The following ASIC3 variants were observed in gnomAD, a reference collection of about 807,000 sequenced individuals.
The protein encoded by ASIC3 is acid-sensing ion channel 3.
Under a neutral mutation model 58.6 loss-of-function variants are expected in ASIC3, and 46 were observed. The ratio of observed to expected loss-of-function variants is 0.79; its 90% confidence interval spans 0.62 to 1.00. ASIC3 has a LOEUF of 1.00. Among genes scored for constraint, ASIC3 ranks in the 50% least tolerant of loss-of-function variants. ASIC3 has a pLI of 0.00. For missense variants in ASIC3, 770 were observed against 735.0 expected (o/e 1.05, Z -0.55); for synonymous variants, 336 against 300.2 (o/e 1.12, Z -1.23).
rs775138378 is a variant in ASIC3, at chr7:151,051,208, A to T, written c.1103A>T (p.Asn368Ile). The change falls in exon 6 of 11, where the codon AAC becomes ATC. Residue 368 changes from asparagine to isoleucine, a missense_variant. By Grantham distance (149) the Asn-to-Ile change is moderately radical. Transcript: ENST00000349064. ...MLRKDSCACPNPCASTRYAKE... is the reference protein window; with the variant it reads ...MLRKDSCACPIPCASTRYAKE... ...CGCAAGGACTCGTGCGCCTGCCCCA[A>T]CCCGTGCGCCAGCACGCGCTACGCC... 6.3e-7 allele frequency: 1 copy of T among 1,584,642 alleles called. No individual in the cohort carries two copies. The highest frequency in any genetic ancestry group is 8.5e-7 in the Non-Finnish European group (1 of 1,172,140).
At chr7:151,049,935 C>T (rs1295762264) in intron 1 of ASIC3, 171 bp from the exon 2 acceptor site, 3 of 815,300 alleles carry the variant, frequency 3.7e-6, no homozygotes, top group African/African-American at 3.4e-5. Flanking sequence ...AGTTGATGGG[C>T]TCCCAAGAGC....
Position 151,052,681 on chromosome 7 carries a change from C to T in ASIC3, c.*29C>T, listed in dbSNP as rs753466031. The T allele has an allele frequency of 6.2e-7, 1 of 1,614,180 alleles. No homozygotes were observed. The highest frequency in any genetic ancestry group is 8.5e-7 in the Non-Finnish European group (1 of 1,180,014). ...TGCTGTCTGTGTCCTCGGAGCCCCG[C>T]CCTGACATCCTGGACATGCCTAGCC... On this transcript the variant is annotated 3_prime_UTR_variant, in exon 11 of 11. Coordinates refer to ENST00000349064, the MANE Select transcript of ASIC3 (RefSeq NM_004769.4). The surrounding 1 kb of genome is among the most constrained non-coding windows in gnomAD (Gnocchi z 5.0).
At position 151,050,688 on chromosome 7, in the gene ASIC3, G is replaced by C. The variant is rs561550514; in HGVS notation, c.814-70G>C. 8 of 1,606,218 alleles carry C rather than the reference G, an allele frequency of 5.0e-6. No individual in the cohort carries two copies. The South Asian group carries it at 7.7e-5, about 16-fold the overall frequency. On this transcript the variant is annotated intron_variant, in intron 3 of 10. Transcript: ENST00000349064. ...CCTAAACCCTCAGCTCCTCAGACCT[G>C]TCTAGGGGCCTCTCCCCAGCTGGCC...
Position 151,050,930 on chromosome 7 carries a change from G to A in ASIC3, c.986G>A (p.Gly329Asp). Reference protein sequence around the residue: ...CETRYVARKCGCRMVYMPGDV... With the variant: ...CETRYVARKCDCRMVYMPGDV... ...ACCCGCTACGTGGCTCGGAAGTGCG[G>A]CTGCCGAATGGTGTACATGCCAGGT... Residue 329 changes from glycine (G) to aspartate (D), a missense_variant, in exon 4 of 11, where the codon GGC (glycine) becomes GAC (aspartate). Transcript: ENST00000349064. The A allele has an allele frequency of 6.2e-7, 1 of 1,613,492 alleles. No individual in the cohort carries two copies. The highest frequency in any genetic ancestry group is 8.5e-7 in the Non-Finnish European group (1 of 1,180,028).
intron 6 of ASIC3, 65 bp from the exon 7 acceptor site, chr7:151,051,745 G>A: frequency 6.5e-7 from 1 of 1,547,728 alleles, no homozygotes; most frequent in Non-Finnish European, 8.9e-7. Flanking sequence ...ACCCACAGCT[G>A]CTTCTTGCCA....
At position 151,050,828 on chromosome 7, in the gene ASIC3, C is replaced by G; in HGVS notation, c.884C>G (p.Pro295Arg). 6.2e-7 allele frequency: 1 copy of G among 1,613,616 alleles called. No homozygotes were observed. The highest frequency in any genetic ancestry group is 8.5e-7 in the Non-Finnish European group (1 of 1,179,856). ...CTGAACCCCAACTATGAGCCAGAGC[C>G]CTCTGATCCCCTAGGCTCCCCCAGC... is the stretch of plus-strand genomic sequence containing the variant. ...ASLNPNYEPE[P>R]SDPLGSPSPS... is the part of the protein sequence containing the mutation. Residue 295 changes from proline to arginine, a missense_variant, in exon 4 of 11, where the codon CCC (proline) becomes CGC (arginine). Physicochemically the swap from Pro to Arg is moderately radical, Grantham distance 103. Transcript: ENST00000349064.
In ASIC3 at chr7:151,050,890, C is replaced by G. The variant is rs369864194; in HGVS notation, c.946C>G (p.Arg316Gly). ...CCCTCCCTATACCCTTATGGGGTGT[C>G]GCCTGGCCTGCGAAACCCGCTACGT... is the stretch of plus-strand genomic sequence containing the variant. ...PSPPYTLMGC[R>G]LACETRYVAR... Residue 316 changes from arginine to glycine, a missense_variant, in exon 4 of 11, where the codon CGC becomes GGC. Physicochemically the swap from Arg to Gly is moderately radical, Grantham distance 125. Coordinates refer to ENST00000349064, the MANE Select transcript of ASIC3 (RefSeq NM_004769.4). 3.7e-6 allele frequency: 6 copies of G among 1,613,312 alleles called. No individual in the cohort carries two copies. Among genetic ancestry groups the G allele is most frequent in the Non-Finnish European group, 5.1e-6 (6 of 1,180,016 alleles).
chr7:151,050,279 T>C (rs774020487), intron 2 of ASIC3, 23 bp downstream of exon 2: 21 of 1,603,660 alleles, frequency 1.3e-5, no homozygotes, highest in Non-Finnish European at 1.7e-5. Context: ...CAAATGAGGC[T>C]GGGGGAGGGC....
chr7:151,051,755 A>G (rs1796786325), intron 6 of ASIC3, 55 bp from the exon 7 acceptor site: 1 of 1,576,588 alleles, frequency 6.3e-7, no homozygotes, highest in East Asian at 2.2e-5. Flanking sequence ...GCTTCTTGCC[A>G]GCAGTGGGCA....
chr7:151,052,718 T>C lies in ASIC3; in HGVS notation c.*66T>C. The C allele has an allele frequency of 6.2e-7, 1 of 1,614,074 alleles. No homozygotes were observed. Among genetic ancestry groups the C allele is most frequent in the Non-Finnish European group, 8.5e-7 (1 of 1,179,946 alleles). On this transcript the variant is annotated 3_prime_UTR_variant, in exon 11 of 11. Transcript: ENST00000349064. This position sits in a 1 kb window ranked among gnomAD's most constrained non-coding sequence, Gnocchi z 5.0. ...GGACATGCCTAGCCTGCACGTAGCT[T>C]TTCCGTCTTCACCCCAAATAAAGTC...
chr7:151,049,695 G>A (rs1298849313), intron 1 of ASIC3, among the ~76,000 whole-genome samples: 2 of 152,252 alleles, frequency 1.3e-5, no homozygotes, highest in Non-Finnish European at 2.9e-5. Context: ...GGGAGGCCCT[G>A]CTCCTGGGGC....
chr7:151,051,014 A>G, intron 4 of ASIC3, 25 bp from the exon 5 acceptor site: 8 of 1,613,246 alleles, frequency 5.0e-6, no homozygotes, highest in Non-Finnish European at 6.8e-6. Context: ...GGCTGCTTCT[A>G]AAGCCATCTC....
chr7:151,051,930 G>A (rs1228776366), intron 7 of ASIC3, 29 bp downstream of exon 7: 8 of 1,613,644 alleles, frequency 5.0e-6, no homozygotes, highest in Admixed American at 1.7e-5. Flanking sequence ...CAGGGCTGGG[G>A]GGGTGTGGGC....
chr7:151,052,183 C>T lies in ASIC3; in HGVS notation c.1404C>T (p.Val468=), dbSNP rs1246255613. 1.2e-6 allele frequency: 2 copies of T among 1,614,042 alleles called. No homozygotes were observed. Among genetic ancestry groups the T allele is most frequent in the Non-Finnish European group, 1.7e-6 (2 of 1,179,986 alleles). ...DYLCEVFRDK[V]LGYFWNRQHS... is the part of the protein sequence containing the mutation. ...GCCTCCAGGTGTTCCGAGACAAGGT[C>T]CTGGGATATTTCTGGAACCGACAGC... The change falls in exon 9 of 11, where the codon GTC becomes GTT. Residue 468 remains valine, a synonymous_variant. Transcript: ENST00000349064. The surrounding 1 kb of genome is among the most constrained non-coding windows in gnomAD (Gnocchi z 5.0).
chr7:151,051,731 G>A, intron 6 of ASIC3, 79 bp from the exon 7 acceptor site: 1 of 1,456,366 alleles, frequency 6.9e-7, no homozygotes, highest in South Asian at 1.1e-5. Context: ...AAAGGAGTGG[G>A]AGAACCCACA....
In ASIC3 at chr7:151,048,642, C is replaced by T. The variant is rs1279442189; in HGVS notation, c.-244C>T. ...TGCTGCGGAGTCCCCAGCCCAGTGC[C>T]TAGCCCAGTGGAGCCACCGCCTGTT... On this transcript the variant is annotated 5_prime_UTR_variant, in exon 1 of 11. Coordinates refer to ENST00000349064, the MANE Select transcript of ASIC3 (RefSeq NM_004769.4). 1.9e-6 allele frequency: 1 copy of T among 534,582 alleles called. No homozygotes were observed. The highest frequency in any genetic ancestry group is 2.9e-5 in the East Asian group (1 of 34,454). The allele number at this position is 534,582 out of a possible 1,614,324, so 33.1% of individuals were successfully genotyped here.
In ASIC3 at chr7:151,048,733, C is replaced by T. The variant is rs762808638; in HGVS notation, c.-153C>T. Reference sequence around the variant, plus strand: ...TCCTCCAATCCTGCCAGGCTAGTGCCTCCCTGCCTTCCAACCTTGGCTGTC... The same window carrying T: ...TCCTCCAATCCTGCCAGGCTAGTGCTTCCCTGCCTTCCAACCTTGGCTGTC... On this transcript the variant is annotated 5_prime_UTR_variant, in exon 1 of 11. Coordinates refer to ENST00000349064, the MANE Select transcript of ASIC3 (RefSeq NM_004769.4). The T allele has an allele frequency of 1.1e-6, 1 of 932,050 alleles. No homozygotes were observed. Among genetic ancestry groups the T allele is most frequent in the Non-Finnish European group, 1.6e-6 (1 of 616,480 alleles). 57.7% of individuals were successfully genotyped at this position (932,050 alleles called of 1,614,324 possible). A position where few individuals can be genotyped will look rare whatever the true frequency, so the allele number is the denominator to read the frequency against.
rs1321016976 is a variant in ASIC3, at chr7:151,052,091, G to A, written c.1386+29G>A. On this transcript the variant is annotated intron_variant, in intron 8 of 10. Coordinates refer to ENST00000349064, the MANE Select transcript of ASIC3 (RefSeq NM_004769.4). The surrounding 1 kb of genome is among the most constrained non-coding windows in gnomAD (Gnocchi z 5.0). Reference sequence around the variant, plus strand: ...GGCCAGGGCCCCCACTGCAGGGGGTGGGAGGTGGGAATCAGGGCCCCTAGG... The same window carrying A: ...GGCCAGGGCCCCCACTGCAGGGGGTAGGAGGTGGGAATCAGGGCCCCTAGG... 6.2e-7 allele frequency: 1 copy of A among 1,613,642 alleles called. No individual in the cohort carries two copies. The highest frequency in any genetic ancestry group is 1.3e-5 in the African/African-American group (1 of 74,850).
Position 151,052,124 on chromosome 7 carries a change from G to T in ASIC3, c.1387-42G>T, listed in dbSNP as rs6978641. 2 of 1,613,874 alleles carry T rather than the reference G, an allele frequency of 1.2e-6. No homozygotes were observed. The highest frequency in any genetic ancestry group is 4.5e-5 in the East Asian group (2 of 44,866). Reference sequence around the variant, plus strand: ...GGAATCAGGGCCCCTAGGATGAGGGGGAAGGTGTGCACTGGCCACCTCCCA... The same window carrying T: ...GGAATCAGGGCCCCTAGGATGAGGGTGAAGGTGTGCACTGGCCACCTCCCA... On this transcript the variant is annotated intron_variant, in intron 8 of 10. Coordinates refer to ENST00000349064, the MANE Select transcript of ASIC3 (RefSeq NM_004769.4). The surrounding 1 kb of genome is among the most constrained non-coding windows in gnomAD (Gnocchi z 5.0).
Sources: allele counts gnomAD v4.1 joint callset (sites outside exome capture counted in the v4.1 genomes callset), GRCh38; gene constraint gnomAD v4.1.1; non-coding constraint Gnocchi (gnomAD v3.1); transcripts MANE v1.5; gene names NCBI Gene and HGNC (gene_info 2026-07-23, HGNC 2026-07-21).